The following MTMR1 variants were observed in gnomAD, a reference collection of about 807,000 sequenced individuals.
MTMR1 encodes phosphatidylinositol-3-phosphate phosphatase MTMR1.
In MTMR1, 17 loss-of-function variants were observed where a neutral mutation model predicts 51.6. That is an observed-to-expected ratio of 0.33 (90% CI 0.23 to 0.49). The LOEUF is 0.49. Ranked by LOEUF, MTMR1 falls within the 20% of genes least tolerant of loss-of-function variation. The pLI is 0.99. For missense variants in MTMR1, 386 were observed against 526.9 expected (o/e 0.73, Z 2.62); for synonymous variants, 201 against 205.6 (o/e 0.98, Z 0.19).
At chrX:150,754,822 G>A (rs782074201) in intron 14 of MTMR1, among the ~76,000 whole-genome samples, 3 of 110,697 alleles carry the variant, frequency 2.7e-5, no homozygotes, top group South Asian at 3.9e-4. Flanking sequence ...TCAAGAGTTC[G>A]AAACCAGCCT....
Position 150,729,302 on chromosome X carries a change from A to G in MTMR1, c.556-807A>G, listed in dbSNP as rs782784969. ...AGCTTGTAAGCAATCTTAAATAGCA[A>G]GTCAGCTCAGTCAGCCACCAAGGTG... On this transcript the variant is annotated intron_variant, in intron 6 of 15. Coordinates refer to ENST00000445323, the MANE Select transcript of MTMR1 (RefSeq NM_001306144.3). 8.1e-5 allele frequency among the ~76,000 whole-genome samples: 9 copies of G among 111,635 alleles called. No individual in the cohort carries two copies. The South Asian group carries it at 3.0e-3, about 37-fold the overall frequency.
intron 12 of MTMR1, among the ~76,000 whole-genome samples, chrX:150,738,462 A>T (rs1016455973): frequency 7.1e-5 from 8 of 112,314 alleles, no homozygotes; most frequent in African/African-American, 2.6e-4. Context: ...TTTTGCCATA[A>T]CAAGGTACCA....
chrX:150,731,249 G>A (rs2042109267), intron 8 of MTMR1, among the ~76,000 whole-genome samples: 1 of 112,037 alleles, frequency 8.9e-6, no homozygotes, highest in Non-Finnish European at 1.9e-5. Context: ...TCATGTTTTA[G>A]TATGGTTTGG....
chrX:150,744,763 C>T (rs111643990), intron 13 of MTMR1, among the ~76,000 whole-genome samples: 49 of 111,934 alleles, frequency 4.4e-4, no homozygotes, highest in African/African-American at 1.6e-3. Context: ...AGTACAGTCT[C>T]CTGCTGAGCA....
chrX:150,742,816 C>CAAAAAAAAAA (rs1159891625), intron 12 of MTMR1, among the ~76,000 whole-genome samples: 1 of 21,745 alleles, frequency 4.6e-5, no homozygotes, highest in Non-Finnish European at 8.5e-5. Flanking sequence ...GACTCCATCT[C>CAAAAAAAAAA]AAAAAAAAAA....
rs782418980 is a variant in MTMR1, at chrX:150,763,633, C to T, written c.*904C>T. On this transcript the variant is annotated 3_prime_UTR_variant, in exon 16 of 16. Transcript: ENST00000445323. ...CCGCAGCCAGCTGCTGGGATCAAAG[C>T]AAGTCTGTTCTTATGTTATTTGCCT... 8.8e-6 allele frequency: 1 copy of T among 113,169 alleles called. No individual in the cohort carries two copies. Among genetic ancestry groups the T allele is most frequent in the African/African-American group, 3.2e-5 (1 of 31,258 alleles). The allele number at this position is 113,169 out of a possible 1,213,427, so 9.3% of individuals were successfully genotyped here. A position where few individuals can be genotyped will look rare whatever the true frequency, so the allele number is the denominator to read the frequency against.
Position 150,757,881 on chromosome X carries a change from C to T in MTMR1, c.1857+2016C>T, listed in dbSNP as rs184908924. Among the ~76,000 whole-genome samples, 248 of 110,894 alleles carry T rather than the reference C, an allele frequency of 2.2e-3. 3 individuals are homozygous for T. The highest frequency in any genetic ancestry group is 0.018 in the Middle Eastern group (4 of 218). ...GCCCTATGTTGATTGCCCAAACTAG[C>T]GTACTTTGAGAAAGAGAGTGGAGGC... is the stretch of plus-strand genomic sequence containing the variant. On this transcript the variant is annotated intron_variant, in intron 15 of 15. Coordinates refer to ENST00000445323, the MANE Select transcript of MTMR1 (RefSeq NM_001306144.3).
intron 2 of MTMR1, among the ~76,000 whole-genome samples, chrX:150,707,016 C>T (rs12014807): frequency 0.11 from 12,117 of 107,608 alleles, 1,044 homozygotes; most frequent in African/African-American, 0.29. Flanking sequence ...GGCTTTTCAA[C>T]AAATACTGCT....
chrX:150,735,474 A>G, intron 10 of MTMR1: 1 of 505,114 alleles, frequency 2.0e-6, no homozygotes, highest in Non-Finnish European at 3.5e-6. Flanking sequence ...CTTTGGTATC[A>G]GGATACAGCT....
intron 3 of MTMR1, chrX:150,714,536 A>G (rs1557416336): frequency 8.2e-6 from 8 of 978,134 alleles, no homozygotes; most frequent in Non-Finnish European, 1.1e-5. Context: ...TCAGGTGGCA[A>G]GTTCTACGTG....
At chrX:150,746,440 G>T (rs2042578125) in intron 13 of MTMR1, among the ~76,000 whole-genome samples, 1 of 112,251 alleles carries the variant, frequency 8.9e-6, no homozygotes, top group Admixed American at 9.4e-5. Context: ...TATAGAGCCA[G>T]GCACTGTTGC....
At chrX:150,726,426 G>GGACAGGAACTTCTTCCAATT (rs1265542641) in intron 4 of MTMR1, among the ~76,000 whole-genome samples, 1 of 111,647 alleles carries the variant, frequency 9.0e-6, no homozygotes, top group East Asian at 2.8e-4. Context: ...GGCTGCTCAT[G>GGACAGGAACTTCTTCCAATT]GACAGGAACT....
At chrX:150,696,606 A>G (rs2040685359) in intron 1 of MTMR1, among the ~76,000 whole-genome samples, 1 of 111,848 alleles carries the variant, frequency 8.9e-6, no homozygotes, top group Non-Finnish European at 1.9e-5. Flanking sequence ...CTTAAGGCAA[A>G]TGAGATGCCC....
chrX:150,761,881 AC>A (rs1220835620), intron 15 of MTMR1, among the ~76,000 whole-genome samples: 3 of 111,584 alleles, frequency 2.7e-5, no homozygotes, highest in Admixed American at 9.4e-5. Flanking sequence ...CCCCGGGAAA[AC>A]CTTTCTTGTT....
At chrX:150,715,930 A>C (rs1358752959) in intron 3 of MTMR1, among the ~76,000 whole-genome samples, 1 of 112,385 alleles carries the variant, frequency 8.9e-6, no homozygotes, top group Non-Finnish European at 1.9e-5. Flanking sequence ...TTCAACTTCT[A>C]TCTTGAGAGC....
At position 150,736,876 on chromosome X, in the gene MTMR1, C is replaced by T; in HGVS notation, c.1266+96C>T. 5.9e-6 allele frequency: 5 copies of T among 845,344 alleles called. No homozygotes were observed. In the South Asian group the frequency reaches 1.2e-4, roughly 21 times the overall value. 69.7% of individuals were successfully genotyped at this position (845,344 alleles called of 1,213,427 possible). On this transcript the variant is annotated intron_variant, in intron 11 of 15. Transcript: ENST00000445323. ...TCTCCAAGTGCCTCTTGGCTGTGTGCATGAACTTTCTTATTCAATAGTTTC... is the reference window on the plus strand; with the variant it reads ...TCTCCAAGTGCCTCTTGGCTGTGTGTATGAACTTTCTTATTCAATAGTTTC...
rs781787329 is a variant in MTMR1 at position 150,700,862 on chromosome X, T to C, written c.252+1562T>C. Among the ~76,000 whole-genome samples the C allele has an allele frequency of 3.5e-5, 4 of 112,828 alleles. No individual in the cohort carries two copies. The South Asian group carries it at 1.1e-3, about 30-fold the overall frequency. On this transcript the variant is annotated intron_variant, in intron 2 of 15. Coordinates refer to ENST00000445323, the MANE Select transcript of MTMR1 (RefSeq NM_001306144.3). ...CCTATAAAAGATTGAATGTCGACTGTGTGCATAGCTTTCTAACATTGCATG... is the reference window on the plus strand; with the variant it reads ...CCTATAAAAGATTGAATGTCGACTGCGTGCATAGCTTTCTAACATTGCATG...
intron 3 of MTMR1, among the ~76,000 whole-genome samples, chrX:150,715,820 A>G (rs1314239658): frequency 8.9e-6 from 1 of 112,768 alleles, no homozygotes; most frequent in Non-Finnish European, 1.9e-5. Context: ...AGATTTATCA[A>G]TTAGAGGTTT....
At chrX:150,729,247 T>C (rs2042040817) in intron 6 of MTMR1, among the ~76,000 whole-genome samples, 1 of 90,498 alleles carries the variant, frequency 1.1e-5, no homozygotes, top group African/African-American at 3.6e-5. Flanking sequence ...CACACACACA[T>C]CCCAGAATCT....
Sources: gnomAD v4.1 joint callset for allele counts (sites outside exome capture counted in the v4.1 genomes callset) on GRCh38, gnomAD v4.1.1 for gene constraint, MANE v1.5 for transcripts, NCBI Gene and HGNC (gene_info 2026-07-23, HGNC 2026-07-21) for gene names.